The following DAAM1 variants were observed in gnomAD, a reference collection of about 807,000 sequenced individuals.
DAAM1 encodes the protein disheveled-associated activator of morphogenesis 1.
Under a neutral mutation model 130.0 loss-of-function variants are expected in DAAM1, and 52 were observed. The observed-to-expected ratio is 0.40, with a 90% CI of 0.32 to 0.50. The LOEUF (loss-of-function observed/expected upper bound fraction) is 0.50, where lower values mean the gene tolerates loss of function less well. Ranked by LOEUF, DAAM1 falls within the 20% of genes least tolerant of loss-of-function variation. DAAM1 has a pLI of 0.61. For missense variants in DAAM1, 1,134 were observed against 1,303.8 expected (o/e 0.87, Z 2.01); for synonymous variants, 452 against 444.5 (o/e 1.02, Z -0.21).
intron 1 of DAAM1, among the ~76,000 whole-genome samples, chr14:59,231,126 T>C (rs1594769812): frequency 6.6e-6 from 1 of 152,334 alleles, no homozygotes; most frequent in Admixed American, 6.5e-5. Flanking sequence ...AATATATTCA[T>C]TTCCACTTCC....
chr14:59,349,806 G>A (rs575305368), intron 17 of DAAM1, among the ~76,000 whole-genome samples: 2 of 152,206 alleles, frequency 1.3e-5, no homozygotes, highest in Non-Finnish European at 2.9e-5. Flanking sequence ...TCCTTTGAGA[G>A]GGGACTGAGT....
chr14:59,192,444 A>C (rs1305439129), intron 1 of DAAM1, among the ~76,000 whole-genome samples: 1 of 152,174 alleles, frequency 6.6e-6, no homozygotes, highest in African/African-American at 2.4e-5. Context: ...GGTTCAGGAA[A>C]TAATCACAGA....
intron 1 of DAAM1, among the ~76,000 whole-genome samples, chr14:59,250,119 C>T (rs537321728): frequency 6.6e-6 from 1 of 152,254 alleles, no homozygotes; most frequent in African/African-American, 2.4e-5. Flanking sequence ...TAGAACTCCC[C>T]ATGTTCTCTT....
intron 3 of DAAM1, among the ~76,000 whole-genome samples, chr14:59,293,624 T>A (rs951148819): frequency 3.3e-5 from 5 of 152,234 alleles, no homozygotes; most frequent in African/African-American, 1.2e-4. Flanking sequence ...AAAGCCATTT[T>A]GACTCTTTAG....
At chr14:59,262,863 C>T (rs1347234295) in intron 1 of DAAM1, among the ~76,000 whole-genome samples, 1 of 152,306 alleles carries the variant, frequency 6.6e-6, no homozygotes. Context: ...GTGCAGGGCA[C>T]TAGGCCCACA....
At chr14:59,305,247 T>G (rs1884331382) in intron 3 of DAAM1, among the ~76,000 whole-genome samples, 1 of 152,244 alleles carries the variant, frequency 6.6e-6, no homozygotes, top group Non-Finnish European at 1.5e-5. Flanking sequence ...GTAGGAATAA[T>G]TTGTTTTATG....
intron 1 of DAAM1, among the ~76,000 whole-genome samples, chr14:59,261,733 T>A (rs938927991): frequency 6.6e-6 from 1 of 152,232 alleles, no homozygotes; most frequent in African/African-American, 2.4e-5. Context: ...TACGTAGTAG[T>A]GTTAATTACA....
At chr14:59,324,725 G>C (rs1051586056) in intron 8 of DAAM1, among the ~76,000 whole-genome samples, 6 of 152,082 alleles carry the variant, frequency 3.9e-5, no homozygotes, top group African/African-American at 1.4e-4. Flanking sequence ...GTGTATCCTG[G>C]TGAAGTTACT....
chr14:59,306,372 G>T (rs1252978), intron 3 of DAAM1, among the ~76,000 whole-genome samples: 4 of 152,084 alleles, frequency 2.6e-5, no homozygotes, highest in Non-Finnish European at 5.9e-5. Context: ...TGTTAGATGA[G>T]TAAAGGAATG....
chr14:59,193,487 T>C (rs949075415), intron 1 of DAAM1, among the ~76,000 whole-genome samples: 1 of 152,182 alleles, frequency 6.6e-6, no homozygotes, highest in Non-Finnish European at 1.5e-5. Context: ...TCCTTTCCAC[T>C]GTTCTAGGAG....
At position 59,311,255 on chromosome 14, in the gene DAAM1, T is replaced by C. The variant is rs548153040; in HGVS notation, c.274-4025T>C. Among the ~76,000 whole-genome samples, 3 of 152,318 alleles carry C rather than the reference T, an allele frequency of 2.0e-5. No homozygotes were observed. In the South Asian group the frequency reaches 6.2e-4, roughly 32 times the overall value. ...CCAAATCAGAGATTCTCTCTCTGCA[T>C]AAACAGCTGATATTGACATTATGGT... is the stretch of plus-strand genomic sequence containing the variant. On this transcript the variant is annotated intron_variant, in intron 3 of 24. Transcript: ENST00000360909.
At position 59,322,806 on chromosome 14, in the gene DAAM1, CT is replaced by C. The variant is rs1163869269; in HGVS notation, c.441-83del. The C allele has an allele frequency of 4.5e-6, 5 of 1,116,430 alleles. No homozygotes were observed. In the African/African-American group the frequency reaches 7.8e-5, roughly 17 times the overall value. The allele number at this position is 1,116,430 out of a possible 1,614,324, so 69.2% of individuals were successfully genotyped here. A position where few individuals can be genotyped will look rare whatever the true frequency, so the allele number is the denominator to read the frequency against. On this transcript the variant is annotated intron_variant, in intron 5 of 24. Transcript: ENST00000360909. ...TTGGCACTTTAGGAACTAAATCTTT[CT>C]TTCCCCTGCCCTCTAGACTTTTCTG...
Position 59,324,411 on chromosome 14 carries a change from G to T in DAAM1, c.946G>T (p.Val316Leu), listed in dbSNP as rs748383513. The change falls in exon 8 of 25, where the codon GTA becomes TTA. Residue 316 changes from valine to leucine, a missense_variant. Around this residue, in one of 3 missense-constraint regions of DAAM1, gnomAD observed 391 missense variants for 521.6 expected, o/e 0.75. Coordinates refer to ENST00000360909, the MANE Select transcript of DAAM1 (RefSeq NM_001270520.2). ...ATTTCTGATGTTAGGAATTCAACCT[G>T]TAATAGATAAATTAAGGGAACACGA... ...YEFLMLGIQP[V>L]IDKLREHENS... 1 of 1,596,406 alleles carries T rather than the reference G, an allele frequency of 6.3e-7. No homozygotes were observed. Among genetic ancestry groups the T allele is most frequent in the South Asian group, 1.2e-5 (1 of 86,688 alleles).
chr14:59,336,218 T>C (rs932915325), intron 15 of DAAM1, among the ~76,000 whole-genome samples: 5 of 152,198 alleles, frequency 3.3e-5, no homozygotes, highest in Admixed American at 3.3e-4. Context: ...CTGTGAAGTG[T>C]TGAGTCATTA....
chr14:59,208,619 T>G (rs1888334488), intron 1 of DAAM1, among the ~76,000 whole-genome samples: 1 of 152,162 alleles, frequency 6.6e-6, no homozygotes, highest in Non-Finnish European at 1.5e-5. Flanking sequence ...AACTCAACCC[T>G]CAGATCATGC....
chr14:59,347,507 A>G (rs1886128715), intron 16 of DAAM1, 32 bp from the exon 17 acceptor site: 1 of 1,595,344 alleles, frequency 6.3e-7, no homozygotes, highest in Non-Finnish European at 8.6e-7. Context: ...ACTCAAACCA[A>G]TATGGTTAAT....
intron 4 of DAAM1, among the ~76,000 whole-genome samples, chr14:59,319,739 A>G (rs755480015): frequency 1.3e-5 from 2 of 152,162 alleles, no homozygotes; most frequent in Admixed American, 6.5e-5. Flanking sequence ...AACAACTGCA[A>G]TCTTACATGG....
rs1222099092 is a variant in DAAM1, at chr14:59,371,192, T to C, written c.*2333T>C. 17 of 152,054 alleles carry C rather than the reference T, an allele frequency of 1.1e-4. No homozygotes were observed. The highest frequency in any genetic ancestry group is 1.5e-5 in the Non-Finnish European group (1 of 68,016). 9.4% of individuals were successfully genotyped at this position (152,054 alleles called of 1,614,324 possible). On this transcript the variant is annotated 3_prime_UTR_variant, in exon 25 of 25. Transcript: ENST00000360909. ...GGGTGTGTATTTTAAACTTTTTTTG[T>C]TTTTTTAAATTAATGCCAAAAAGAA...
intron 1 of DAAM1, among the ~76,000 whole-genome samples, chr14:59,215,968 G>C (rs899317375): frequency 6.6e-6 from 1 of 152,150 alleles, no homozygotes; most frequent in African/African-American, 2.4e-5. Flanking sequence ...GGGACCATAT[G>C]AATGACAGGC....
Sources: allele counts gnomAD v4.1 joint callset (sites outside exome capture counted in the v4.1 genomes callset), GRCh38; gene constraint gnomAD v4.1.1; regional missense constraint gnomAD v4.1.1; transcripts MANE v1.5; gene names NCBI Gene and HGNC (gene_info 2026-07-23, HGNC 2026-07-21).